Variants in BNC2 observed in about 807,000 individuals in gnomAD.
BNC2 encodes the protein zinc finger protein basonuclin-2.
A neutral mutation model predicts 76.3 loss-of-function variants in BNC2; 20 were observed. The ratio of observed to expected loss-of-function variants is 0.26; its 90% CI spans 0.18 to 0.38. BNC2 has a LOEUF of 0.38. Among genes scored for constraint, BNC2 ranks in the 10% least tolerant of loss-of-function variants. The pLI is 1.00. For missense variants in BNC2, 1,382 were observed against 1,399.8 expected (o/e 0.99, Z 0.20); for synonymous variants, 582 against 514.8 (o/e 1.13, Z -1.77).
intron 1 of BNC2, among the ~76,000 whole-genome samples, chr9:16,860,498 G>C (rs1455021925): frequency 6.6e-6 from 1 of 152,108 alleles, no homozygotes; most frequent in African/African-American, 2.4e-5. Context: ...AAAGAATAAA[G>C]TTGTACCCCT....
At chr9:16,637,369 T>C (rs1821358644) in intron 3 of BNC2, among the ~76,000 whole-genome samples, 1 of 152,174 alleles carries the variant, frequency 6.6e-6, no homozygotes, top group Non-Finnish European at 1.5e-5. Context: ...GCAAGCATTC[T>C]TACAGTGTAA....
At chr9:16,782,953 A>C (rs112106577) in intron 1 of BNC2, among the ~76,000 whole-genome samples, 5 of 152,312 alleles carry the variant, frequency 3.3e-5, no homozygotes, top group African/African-American at 1.2e-4. Context: ...CTCTGAAGTA[A>C]AGCAGGGGTG....
intron 1 of BNC2, among the ~76,000 whole-genome samples, chr9:16,805,775 G>A (rs1377199731): frequency 6.6e-6 from 1 of 151,992 alleles, no homozygotes; most frequent in Admixed American, 6.6e-5. Context: ...CTTTAGTAGG[G>A]AGGGGCAAAA....
intron 1 of BNC2, among the ~76,000 whole-genome samples, chr9:16,746,007 G>C (rs10738455): frequency 0.86 from 130,973 of 152,216 alleles, 56,749 homozygotes; most frequent in Non-Finnish European, 0.91. Flanking sequence ...TACACACACA[G>C]AATTGTAAGG....
intron 1 of BNC2, among the ~76,000 whole-genome samples, chr9:16,849,565 G>T (rs1344820240): frequency 6.6e-6 from 1 of 151,712 alleles, no homozygotes; most frequent in Non-Finnish European, 1.5e-5. Context: ...CACCATGTTG[G>T]CCAGGCTGGT....
intron 1 of BNC2, among the ~76,000 whole-genome samples, chr9:16,782,322 G>C (rs985577978): frequency 4.0e-5 from 6 of 151,664 alleles, no homozygotes; most frequent in Non-Finnish European, 8.8e-5. Context: ...TAATAATTTT[G>C]TATAATTAAA....
At chr9:16,616,815 G>A (rs1490117893) in intron 3 of BNC2, among the ~76,000 whole-genome samples, 1 of 149,406 alleles carries the variant, frequency 6.7e-6, no homozygotes, top group African/African-American at 2.5e-5. Flanking sequence ...AAGGAAGGAA[G>A]GAAGAAAGGA....
At chr9:16,592,698 G>A (rs1400646426) in intron 3 of BNC2, among the ~76,000 whole-genome samples, 1 of 152,118 alleles carries the variant, frequency 6.6e-6, no homozygotes, top group Non-Finnish European at 1.5e-5. Context: ...TTAAAACAGG[G>A]AAAGGGTGGG....
intron 5 of BNC2, among the ~76,000 whole-genome samples, chr9:16,551,804 A>G (rs945269408): frequency 6.6e-6 from 1 of 152,194 alleles, no homozygotes; most frequent in Admixed American, 6.5e-5. Flanking sequence ...CAAAAATGAG[A>G]TGAAGAAAGA....
rs920417982 is a variant in BNC2 at position 16,410,837 on chromosome 9, A to G, written c.*8152T>C. 6.6e-6 allele frequency: 1 copy of G among 152,170 alleles called. No individual in the cohort carries two copies. Among genetic ancestry groups the G allele is most frequent in the African/African-American group, 2.4e-5 (1 of 41,428 alleles). 9.4% of individuals were successfully genotyped at this position (152,170 alleles called of 1,614,324 possible). A position where few individuals can be genotyped will look rare whatever the true frequency, so the allele number is the denominator to read the frequency against. On this transcript the variant is annotated 3_prime_UTR_variant, in exon 7 of 7. Coordinates refer to ENST00000380672, the MANE Select transcript of BNC2 (RefSeq NM_017637.6). ...ATTACTCTGTACAAAAACATGCAAA[A>G]ATACTCCAAATTGGGGACTAGATTT...
intron 1 of BNC2, among the ~76,000 whole-genome samples, chr9:16,841,934 C>A (rs1342938633): frequency 6.6e-6 from 1 of 152,038 alleles, no homozygotes; most frequent in Non-Finnish European, 1.5e-5. Context: ...CTCAGCCTCC[C>A]AAGTAGCTGG....
At chr9:16,528,181 G>T (rs1817869849) in intron 5 of BNC2, among the ~76,000 whole-genome samples, 1 of 152,146 alleles carries the variant, frequency 6.6e-6, no homozygotes, top group African/African-American at 2.4e-5. Context: ...TATTACTTAA[G>T]ATAATTGTTA....
chr9:16,826,811 G>T (rs1159301454), intron 1 of BNC2, among the ~76,000 whole-genome samples: 1 of 152,160 alleles, frequency 6.6e-6, no homozygotes, highest in South Asian at 2.1e-4. Flanking sequence ...CAGATGAAAT[G>T]ATGGATGGAT....
chr9:16,806,868 C>G (rs931183790), intron 1 of BNC2, among the ~76,000 whole-genome samples: 1 of 152,192 alleles, frequency 6.6e-6, no homozygotes. Flanking sequence ...AATAGAAACT[C>G]TCTCCCCAGA....
chr9:16,553,587 G>A (rs1404010987), intron 4 of BNC2, among the ~76,000 whole-genome samples: 2 of 152,172 alleles, frequency 1.3e-5, no homozygotes, highest in Admixed American at 1.3e-4. Flanking sequence ...GAGAATTTCT[G>A]GTGTATTTCA....
At chr9:16,567,316 G>A (rs900170437) in intron 4 of BNC2, among the ~76,000 whole-genome samples, 2 of 151,924 alleles carry the variant, frequency 1.3e-5, no homozygotes, top group Non-Finnish European at 2.9e-5. Flanking sequence ...GGTAATAAAT[G>A]TAAAGTAATA....
intron 5 of BNC2, among the ~76,000 whole-genome samples, chr9:16,506,472 T>C (rs2131848610): frequency 6.7e-6 from 1 of 149,912 alleles, no homozygotes; most frequent in Admixed American, 6.7e-5. Flanking sequence ...TATCTACCCT[T>C]ACTGGATCAG....
intron 3 of BNC2, among the ~76,000 whole-genome samples, chr9:16,663,067 C>T (rs1822156567): frequency 1.3e-5 from 2 of 151,360 alleles, no homozygotes; most frequent in South Asian, 4.2e-4. Flanking sequence ...AATAACATCC[C>T]TAACACCTCC....
intron 5 of BNC2, among the ~76,000 whole-genome samples, chr9:16,460,798 C>G (rs144879616): frequency 6.6e-6 from 1 of 152,016 alleles, no homozygotes; most frequent in African/African-American, 2.4e-5. Flanking sequence ...GCGTTATTAT[C>G]AGGATTGAAT....
Sources: allele counts gnomAD v4.1 joint callset (sites outside exome capture counted in the v4.1 genomes callset), GRCh38; gene constraint gnomAD v4.1.1; transcripts MANE v1.5; gene names NCBI Gene and HGNC (gene_info 2026-07-23, HGNC 2026-07-21).